Variants in HCN1 observed in about 807,000 individuals in gnomAD.
HCN1 encodes potassium/sodium hyperpolarization-activated cyclic nucleotide-gated channel 1.
A neutral mutation model predicts 78.9 loss-of-function variants in HCN1; 13 were observed. That is an observed-to-expected ratio of 0.16 (90% CI 0.11 to 0.26). The LOEUF (loss-of-function observed/expected upper bound fraction) is 0.26. HCN1 is among the 10% of genes least tolerant of loss of function. The pLI is 1.00. For synonymous variants in HCN1, 552 were observed against 455.5 expected, an observed-to-expected ratio of 1.21 and a Z score of -2.70; for missense variants, 810 against 1,154.3, an observed-to-expected ratio of 0.70 and a Z score of 4.32.
intron 2 of HCN1, among the ~76,000 whole-genome samples, chr5:45,624,990 T>G (rs919424359): frequency 6.6e-6 from 1 of 152,148 alleles, no homozygotes; most frequent in East Asian, 1.9e-4. Context: ...TTCTCTTAGT[T>G]TTCCTCATAA....
chr5:45,596,838 T>C (rs920080802), intron 2 of HCN1, among the ~76,000 whole-genome samples: 1 of 152,200 alleles, frequency 6.6e-6, no homozygotes, highest in African/African-American at 2.4e-5. Context: ...TCTAGAACTT[T>C]TGTATTATCC....
At chr5:45,302,006 C>CA (rs969927998) in intron 6 of HCN1, among the ~76,000 whole-genome samples, 2 of 151,920 alleles carry the variant, frequency 1.3e-5, no homozygotes, top group Admixed American at 6.6e-5. Context: ...AGAATAGGAA[C>CA]AAAAAAATAA....
At chr5:45,315,635 T>C (rs1349269710) in intron 5 of HCN1, among the ~76,000 whole-genome samples, 5 of 151,940 alleles carry the variant, frequency 3.3e-5, no homozygotes, top group African/African-American at 4.8e-5. Context: ...AGCTGGTTTT[T>C]GAAAAGATCA....
chr5:45,602,096 G>A (rs1443396380), intron 2 of HCN1, among the ~76,000 whole-genome samples: 6 of 151,992 alleles, frequency 3.9e-5, no homozygotes, highest in African/African-American at 9.7e-5. Flanking sequence ...GCCTTCTGCC[G>A]TGATTGTAAG....
At chr5:45,489,294 A>G (rs1350109100) in intron 2 of HCN1, among the ~76,000 whole-genome samples, 2 of 152,154 alleles carry the variant, frequency 1.3e-5, no homozygotes, top group African/African-American at 2.4e-5. Flanking sequence ...ACAACTATAA[A>G]CATTGTGCCT....
At chr5:45,685,099 C>G (rs1739779310) in intron 1 of HCN1, among the ~76,000 whole-genome samples, 1 of 151,994 alleles carries the variant, frequency 6.6e-6, no homozygotes, top group Non-Finnish European at 1.5e-5. Context: ...CTTTTACGTT[C>G]CTAACTAGAA....
intron 6 of HCN1, among the ~76,000 whole-genome samples, chr5:45,302,277 A>AAGGGC: frequency 6.6e-6 from 1 of 151,342 alleles, no homozygotes; most frequent in African/African-American, 2.4e-5. Flanking sequence ...CTGATGGTTT[A>AAGGGC]AGTTTCCCCT....
chr5:45,485,233 C>T (rs141902044), intron 2 of HCN1, among the ~76,000 whole-genome samples: 1,583 of 152,214 alleles, frequency 0.01, 13 homozygotes, highest in Middle Eastern at 0.037. Context: ...AAATAAGTGA[C>T]GACTTGATGC....
At chr5:45,626,898 ATATG>A (rs529857816) in intron 2 of HCN1, among the ~76,000 whole-genome samples, 261 of 152,164 alleles carry the variant, frequency 1.7e-3, no homozygotes, top group African/African-American at 5.6e-3. Context: ...ATATACTTAT[ATATG>A]TATGTGACAT....
chr5:45,587,904 T>A (rs941326238), intron 2 of HCN1, among the ~76,000 whole-genome samples: 1 of 152,106 alleles, frequency 6.6e-6, no homozygotes, highest in African/African-American at 2.4e-5. Flanking sequence ...CCCTTATTAA[T>A]GAGGTCACAG....
intron 5 of HCN1, among the ~76,000 whole-genome samples, chr5:45,324,411 T>G (rs952256428): frequency 3.9e-5 from 6 of 151,950 alleles, no homozygotes; most frequent in Non-Finnish European, 8.8e-5. Flanking sequence ...ATGCTCATCA[T>G]CACTGGCCAT....
In HCN1 at chr5:45,537,812, G is replaced by A. The variant is rs1456762313; in HGVS notation, c.850-75805C>T. Among the ~76,000 whole-genome samples the A allele has an allele frequency of 2.0e-5, 3 of 151,720 alleles. No homozygotes were observed. In the South Asian group the frequency reaches 6.2e-4, roughly 32 times the overall value. On this transcript the variant is annotated intron_variant, in intron 2 of 7. Coordinates refer to ENST00000303230, the MANE Select transcript of HCN1 (RefSeq NM_021072.4). ...CTTTTTCCCAATCACTCTTTGTGCTGTTAGCCATTTGACTACAACTATGTA... is the reference window on the plus strand; with the variant it reads ...CTTTTTCCCAATCACTCTTTGTGCTATTAGCCATTTGACTACAACTATGTA...
At chr5:45,297,863 T>A (rs1745531586) in intron 6 of HCN1, among the ~76,000 whole-genome samples, 1 of 151,862 alleles carries the variant, frequency 6.6e-6, no homozygotes, top group Non-Finnish European at 1.5e-5. Context: ...AAACATAGGA[T>A]CACAGACTTG....
In HCN1 at chr5:45,658,866, G is replaced by A. The variant is rs7737371; in HGVS notation, c.426-13258C>T. Among the ~76,000 whole-genome samples, 124 of 149,672 alleles carry A rather than the reference G, an allele frequency of 8.3e-4. 1 individual carries two copies. Among genetic ancestry groups the A allele is most frequent in the Middle Eastern group, 3.5e-3 (1 of 284 alleles). On this transcript the variant is annotated intron_variant, in intron 1 of 7. Transcript: ENST00000303230. ...TGAGATCAAACTGCAAGGCGGCAAC[G>A]AGGCTGGGGGAGGGGCGCCCGCCAT...
chr5:45,541,151 C>T (rs1419002413), intron 2 of HCN1, among the ~76,000 whole-genome samples: 1 of 152,078 alleles, frequency 6.6e-6, no homozygotes, highest in Non-Finnish European at 1.5e-5. Flanking sequence ...CTGTACTCCA[C>T]GTACAATGGT....
chr5:45,449,839 T>C (rs1187296971), intron 3 of HCN1, among the ~76,000 whole-genome samples: 5 of 152,182 alleles, frequency 3.3e-5, no homozygotes, highest in African/African-American at 7.2e-5. Flanking sequence ...ATAAGTTGGT[T>C]TTTTTTCTTT....
At chr5:45,476,239 G>C (rs904031888) in intron 2 of HCN1, among the ~76,000 whole-genome samples, 3 of 152,082 alleles carry the variant, frequency 2.0e-5, no homozygotes, top group Admixed American at 6.6e-5. Context: ...ACTGGTAAGA[G>C]AGCCCTCACC....
chr5:45,330,238 T>C (rs1225337383), intron 5 of HCN1, among the ~76,000 whole-genome samples: 1 of 151,356 alleles, frequency 6.6e-6, no homozygotes, highest in Non-Finnish European at 1.5e-5. Flanking sequence ...CCATGCTGCA[T>C]TTGGCATACA....
intron 4 of HCN1, 33 bp from the exon 5 acceptor site, chr5:45,353,279 AC>A (rs754324529): frequency 1.2e-5 from 18 of 1,480,306 alleles, no homozygotes; most frequent in Middle Eastern, 2.0e-4. Flanking sequence ...TTAAAAAAAA[AC>A]ATTGTTAGGG....
Sources: gnomAD v4.1 joint callset for allele counts (sites outside exome capture counted in the v4.1 genomes callset) on GRCh38, gnomAD v4.1.1 for gene constraint, MANE v1.5 for transcripts, NCBI Gene and HGNC (gene_info 2026-07-23, HGNC 2026-07-21) for gene names.